Variants in ST8SIA1 observed in about 807,000 individuals in gnomAD.
ST8SIA1 encodes alpha-N-acetylneuraminide alpha-2,8-sialyltransferase.
ST8SIA1 carries 16 observed loss-of-function variants against 35.9 expected under a neutral mutation model. The ratio of observed to expected loss-of-function variants is 0.45; its 90% CI spans 0.30 to 0.68. ST8SIA1 has a LOEUF of 0.68. Ranked by LOEUF, ST8SIA1 falls within the 30% of genes least tolerant of loss-of-function variation. The pLI, the probability that ST8SIA1 is intolerant of heterozygous loss-of-function variation, is 0.09. For synonymous variants in ST8SIA1, 170 were observed against 169.6 expected, an observed-to-expected ratio of 1.00 and a Z score of -0.02; for missense variants, 383 against 453.6, an observed-to-expected ratio of 0.84 and a Z score of 1.41.
intron 1 of ST8SIA1, among the ~76,000 whole-genome samples, chr12:22,317,723 C>A (rs898636893): frequency 3.3e-5 from 5 of 152,330 alleles, no homozygotes; most frequent in African/African-American, 1.2e-4. Context: ...GGCGTGCCAT[C>A]TCTTCCATAG....
intron 2 of ST8SIA1, among the ~76,000 whole-genome samples, chr12:22,262,943 C>A (rs904563179): frequency 3.3e-5 from 5 of 152,150 alleles, no homozygotes; most frequent in Non-Finnish European, 5.9e-5. Context: ...AAATAACTAA[C>A]CTTAAATATA....
Position 22,264,032 on chromosome 12 carries a change from C to G in ST8SIA1, c.382-8643G>C, listed in dbSNP as rs554460019. ...TAATTGCATTCCGACCCTTTTCTTT[C>G]TATATACCCTCACCCACGTATCCTC... is the stretch of plus-strand genomic sequence containing the variant. On this transcript the variant is annotated intron_variant, in intron 2 of 4. Transcript: ENST00000396037. 2.5e-3 allele frequency among the ~76,000 whole-genome samples: 384 copies of G among 152,224 alleles called. 3 individuals are homozygous for G. The highest frequency in any genetic ancestry group is 8.7e-3 in the African/African-American group (362 of 41,534).
intron 1 of ST8SIA1, among the ~76,000 whole-genome samples, chr12:22,312,797 A>G (rs1368494475): frequency 6.6e-6 from 1 of 152,174 alleles, no homozygotes; most frequent in East Asian, 1.9e-4. Flanking sequence ...GATGGACACA[A>G]GCAAAACTTT....
intron 4 of ST8SIA1, among the ~76,000 whole-genome samples, chr12:22,209,956 G>A (rs1865159746): frequency 6.6e-6 from 1 of 152,194 alleles, no homozygotes; most frequent in East Asian, 1.9e-4. Context: ...AACCAGGAAG[G>A]GTGCCTGGCA....
intron 2 of ST8SIA1, among the ~76,000 whole-genome samples, chr12:22,268,065 G>C (rs891269995): frequency 6.6e-6 from 1 of 152,166 alleles, no homozygotes; most frequent in African/African-American, 2.4e-5. Context: ...CCACAACAGC[G>C]AATAAGCCCC....
chr12:22,274,689 C>T (rs1002752063), intron 2 of ST8SIA1, among the ~76,000 whole-genome samples: 19 of 152,224 alleles, frequency 1.2e-4, no homozygotes, highest in Non-Finnish European at 2.4e-4. Flanking sequence ...ATCACACACG[C>T]CACGCTCTAT....
chr12:22,238,398 C>T lies in ST8SIA1; in HGVS notation c.584+10608G>A, dbSNP rs376848405. On this transcript the variant is annotated intron_variant, in intron 4 of 4. Coordinates refer to ENST00000396037, the MANE Select transcript of ST8SIA1 (RefSeq NM_003034.4). ...TGGAGTCAATCATGCTGTGAGGGTG[C>T]CCACACTAATTCACAAGGAGAAACC... is the stretch of plus-strand genomic sequence containing the variant. Among the ~76,000 whole-genome samples, 4 of 152,156 alleles carry T rather than the reference C, an allele frequency of 2.6e-5. No individual in the cohort carries two copies. The East Asian group carries it at 5.8e-4, about 22-fold the overall frequency.
chr12:22,232,732 A>C (rs1865433767), intron 4 of ST8SIA1, among the ~76,000 whole-genome samples: 1 of 152,062 alleles, frequency 6.6e-6, no homozygotes, highest in Non-Finnish European at 1.5e-5. Context: ...CCAGCTACTC[A>C]GGAGGCTGAG....
chr12:22,224,057 C>G (rs1304066503), intron 4 of ST8SIA1, among the ~76,000 whole-genome samples: 1 of 152,152 alleles, frequency 6.6e-6, no homozygotes, highest in African/African-American at 2.4e-5. Context: ...TATACTCCCA[C>G]TAGCAGTGCA....
chr12:22,266,271 A>C (rs938044237), intron 2 of ST8SIA1, among the ~76,000 whole-genome samples: 1 of 151,944 alleles, frequency 6.6e-6, no homozygotes, highest in African/African-American at 2.4e-5. Context: ...AAACTCAAGC[A>C]GACAAGAGGC....
At chr12:22,248,129 A>C (rs571520241) in intron 4 of ST8SIA1, among the ~76,000 whole-genome samples, 1 of 152,186 alleles carries the variant, frequency 6.6e-6, no homozygotes, top group Non-Finnish European at 1.5e-5. Flanking sequence ...CTAGATATCT[A>C]TTTTATGGGA....
intron 1 of ST8SIA1, among the ~76,000 whole-genome samples, chr12:22,321,367 T>C (rs1866598364): frequency 6.6e-6 from 1 of 152,074 alleles, no homozygotes; most frequent in Middle Eastern, 3.4e-3. Flanking sequence ...CCAAGCAGGG[T>C]TCACGCGGAA....
At chr12:22,327,793 A>G (rs749050976) in intron 1 of ST8SIA1, among the ~76,000 whole-genome samples, 34 of 152,168 alleles carry the variant, frequency 2.2e-4, no homozygotes, top group Admixed American at 5.2e-4. Flanking sequence ...TATCAAGTAC[A>G]GTTCATTCAG....
chr12:22,223,626 G>T (rs1369254811), intron 4 of ST8SIA1: 1 of 1,134,314 alleles, frequency 8.8e-7, no homozygotes, highest in Admixed American at 5.2e-5. Flanking sequence ...CTGAAGTTGT[G>T]GCTTCTCAAC....
intron 4 of ST8SIA1, among the ~76,000 whole-genome samples, chr12:22,238,164 C>A (rs939300340): frequency 8.1e-5 from 3 of 36,942 alleles, no homozygotes; most frequent in African/African-American, 1.5e-4. Context: ...CTTGAGAACT[C>A]CCCCCCCAAC....
chr12:22,317,281 G>A (rs1591855509), intron 1 of ST8SIA1, among the ~76,000 whole-genome samples: 1 of 152,244 alleles, frequency 6.6e-6, no homozygotes, highest in East Asian at 1.9e-4. Context: ...AATTTATTAC[G>A]TGATTTGATT....
rs1864963420 is a variant in ST8SIA1, at chr12:22,194,792, T to C, written c.*6760A>G. On this transcript the variant is annotated 3_prime_UTR_variant, in exon 5 of 5. Coordinates refer to ENST00000396037, the MANE Select transcript of ST8SIA1 (RefSeq NM_003034.4). Reference sequence around the variant, plus strand: ...CACTTTCCAAGGGTGAGGGTCAAAGTGACACTTGCTGCTATCACTGCCTCA... The same window carrying C: ...CACTTTCCAAGGGTGAGGGTCAAAGCGACACTTGCTGCTATCACTGCCTCA... 1 of 152,184 alleles carries C rather than the reference T, an allele frequency of 6.6e-6. No homozygotes were observed. Among genetic ancestry groups the C allele is most frequent in the Admixed American group, 6.5e-5 (1 of 15,270 alleles). 9.4% of individuals were successfully genotyped at this position (152,184 alleles called of 1,614,324 possible).
At chr12:22,311,118 T>G (rs1039521517) in intron 1 of ST8SIA1, among the ~76,000 whole-genome samples, 5 of 152,172 alleles carry the variant, frequency 3.3e-5, no homozygotes, top group Non-Finnish European at 7.3e-5. Flanking sequence ...TAATCACTCA[T>G]TCATTCATTC....
At chr12:22,303,597 T>C (rs1565591305) in intron 1 of ST8SIA1, among the ~76,000 whole-genome samples, 1 of 152,182 alleles carries the variant, frequency 6.6e-6, no homozygotes, top group Non-Finnish European at 1.5e-5. Context: ...GAATGCTCAA[T>C]AGTTGTATAA....
Sources: gnomAD v4.1 joint callset for allele counts (sites outside exome capture counted in the v4.1 genomes callset) on GRCh38, gnomAD v4.1.1 for gene constraint, MANE v1.5 for transcripts, NCBI Gene and HGNC (gene_info 2026-07-23, HGNC 2026-07-21) for gene names.